ALMS1: variants seen among roughly 807,000 people sequenced by gnomAD.
ALMS1 encodes the protein centrosome-associated protein ALMS1.
In ALMS1, 271 loss-of-function variants were observed where a neutral mutation model predicts 352.2. The observed-to-expected ratio is 0.77, with a 90% CI of 0.70 to 0.85. The LOEUF (loss-of-function observed/expected upper bound fraction) is 0.85. Ranked by LOEUF, ALMS1 falls within the 40% of genes least tolerant of loss-of-function variation. The pLI is 0.00. For synonymous variants in ALMS1, 1,865 were observed against 1,761.2 expected (o/e 1.06, Z -1.48); for missense variants, 5,445 against 4,870.7 (o/e 1.12, Z -3.51).
chr2:73,593,339 A>G (rs1199854633), intron 16 of ALMS1, among the ~76,000 whole-genome samples: 7 of 152,164 alleles, frequency 4.6e-5, no homozygotes, highest in Admixed American at 3.9e-4. Flanking sequence ...TGCTTGGCCC[A>G]GCTTTAGAGT....
chr2:73,567,360 A>G (rs1674825936), intron 15 of ALMS1, among the ~76,000 whole-genome samples: 1 of 152,228 alleles, frequency 6.6e-6, no homozygotes, highest in African/African-American at 2.4e-5. Flanking sequence ...ACCAAGTACA[A>G]AAACCAAATG....
chr2:73,427,894 C>G (rs147140250), intron 6 of ALMS1, among the ~76,000 whole-genome samples: 3 of 152,216 alleles, frequency 2.0e-5, no homozygotes, highest in African/African-American at 7.2e-5. Flanking sequence ...TGTTACTTCT[C>G]TTTTCCTATG....
intron 16 of ALMS1, 63 bp downstream of exon 16, chr2:73,573,487 C>G: frequency 6.4e-7 from 1 of 1,557,566 alleles, no homozygotes; most frequent in Admixed American, 1.8e-5. Flanking sequence ...TTTAGTTAAG[C>G]TTTGCACACA....
At chr2:73,609,464 G>A in intron 22 of ALMS1, 104 bp from the exon 23 acceptor site, 1 of 1,061,108 alleles carries the variant, frequency 9.4e-7, no homozygotes, top group Non-Finnish European at 1.5e-6. Flanking sequence ...ATTTGAATAG[G>A]ACCACACTGA....
intron 3 of ALMS1, among the ~76,000 whole-genome samples, chr2:73,421,897 A>C (rs1288107679): frequency 6.6e-6 from 1 of 152,128 alleles, no homozygotes; most frequent in Non-Finnish European, 1.5e-5. Context: ...TGAAATCAAG[A>C]AAGTATACTG....
At chr2:73,483,340 C>T (rs1015443651) in intron 9 of ALMS1, among the ~76,000 whole-genome samples, 12 of 151,398 alleles carry the variant, frequency 7.9e-5, no homozygotes, top group African/African-American at 2.4e-4. Flanking sequence ...ACCCAGTAGT[C>T]ATTCAGGAGC....
In ALMS1 at chr2:73,388,837, A is replaced by G. The variant is rs546728275; in HGVS notation, c.324+2645A>G. Among the ~76,000 whole-genome samples, 6 of 151,624 alleles carry G rather than the reference A, an allele frequency of 4.0e-5. No individual in the cohort carries two copies. In the South Asian group the frequency reaches 6.3e-4, roughly 16 times the overall value. On this transcript the variant is annotated intron_variant, in intron 1 of 22. Coordinates refer to ENST00000613296, the MANE Select transcript of ALMS1 (RefSeq NM_001378454.1). ...TAATGGCGTCTAGCTGGTGTAGAACACCTGGGCTCAAGTGATACTCCGCCT... is the reference window on the plus strand; with the variant it reads ...TAATGGCGTCTAGCTGGTGTAGAACGCCTGGGCTCAAGTGATACTCCGCCT...
intron 10 of ALMS1, among the ~76,000 whole-genome samples, chr2:73,518,388 T>G (rs1673603291): frequency 6.6e-6 from 1 of 152,174 alleles, no homozygotes; most frequent in African/African-American, 2.4e-5. Context: ...TTAGGTTGAT[T>G]CATGTCTTTG....
intron 9 of ALMS1, among the ~76,000 whole-genome samples, chr2:73,461,789 C>G (rs141376798): frequency 3.9e-4 from 59 of 152,136 alleles, no homozygotes; most frequent in African/African-American, 1.4e-3. Flanking sequence ...AGCAAAGGCG[C>G]GAGAACCATG....
At chr2:73,508,543 C>G (rs541283005) in intron 10 of ALMS1, among the ~76,000 whole-genome samples, 1 of 152,078 alleles carries the variant, frequency 6.6e-6, no homozygotes, top group South Asian at 2.1e-4. Context: ...TTTGATTGCA[C>G]TGTAGTCTGA....
chr2:73,542,017 A>G (rs1314477224), intron 12 of ALMS1, among the ~76,000 whole-genome samples: 2 of 152,218 alleles, frequency 1.3e-5, no homozygotes, highest in African/African-American at 4.8e-5. Context: ...AACTCATTTT[A>G]TGAGGCCAGC....
At chr2:73,488,893 C>T (rs1187214641) in intron 9 of ALMS1, among the ~76,000 whole-genome samples, 1 of 152,052 alleles carries the variant, frequency 6.6e-6, no homozygotes, top group Non-Finnish European at 1.5e-5. Flanking sequence ...TTGGTTTTTT[C>T]CCCCCATTGT....
At chr2:73,485,961 G>C (rs1217059629) in intron 9 of ALMS1, among the ~76,000 whole-genome samples, 1 of 151,962 alleles carries the variant, frequency 6.6e-6, no homozygotes, top group Non-Finnish European at 1.5e-5. Flanking sequence ...CCACTGACCT[G>C]CGCCCACTGT....
chr2:73,419,857 T>C (rs999193468), intron 3 of ALMS1, among the ~76,000 whole-genome samples: 9 of 152,184 alleles, frequency 5.9e-5, no homozygotes, highest in African/African-American at 1.9e-4. Flanking sequence ...AAGATAAACT[T>C]TAAGTACTTT....
At chr2:73,560,723 GT>G (rs1305426165) in intron 15 of ALMS1, among the ~76,000 whole-genome samples, 1 of 152,218 alleles carries the variant, frequency 6.6e-6, no homozygotes, top group African/African-American at 2.4e-5. Context: ...ATACATATTT[GT>G]ATTGTGCAGC....
chr2:73,438,261 T>G (rs983332018), intron 7 of ALMS1, among the ~76,000 whole-genome samples: 1 of 152,190 alleles, frequency 6.6e-6, no homozygotes, highest in African/African-American at 2.4e-5. Flanking sequence ...TGCCCTGATT[T>G]CTTATTTTTT....
At chr2:73,400,186 TC>T (rs1670846870) in intron 1 of ALMS1, among the ~76,000 whole-genome samples, 1 of 152,156 alleles carries the variant, frequency 6.6e-6, no homozygotes, top group African/African-American at 2.4e-5. Flanking sequence ...GCTCAAGTGA[TC>T]TGCTCACCTT....
At chr2:73,493,496 G>A (rs928961295) in intron 10 of ALMS1, among the ~76,000 whole-genome samples, 3 of 151,954 alleles carry the variant, frequency 2.0e-5, no homozygotes, top group Non-Finnish European at 2.9e-5. Flanking sequence ...GCCAAGGTGG[G>A]CGGATCACCT....
intron 9 of ALMS1, among the ~76,000 whole-genome samples, chr2:73,467,443 AAG>A (rs1027422010): frequency 3.9e-5 from 6 of 152,150 alleles, no homozygotes; most frequent in Non-Finnish European, 8.8e-5. Flanking sequence ...TAAAATTAAA[AAG>A]AACAATGCTA....
Sources: allele counts gnomAD v4.1 joint callset (sites outside exome capture counted in the v4.1 genomes callset), GRCh38; gene constraint gnomAD v4.1.1; transcripts MANE v1.5; gene names NCBI Gene and HGNC (gene_info 2026-07-23, HGNC 2026-07-21).